The following PLCB1 variants were observed in gnomAD, a reference collection of about 807,000 sequenced individuals.
The protein encoded by PLCB1 is phospholipase C beta 1.
PLCB1 carries 46 observed loss-of-function variants against 161.8 expected under a neutral mutation model. That is an observed-to-expected ratio of 0.28 (90% CI 0.22 to 0.36). The LOEUF (loss-of-function observed/expected upper bound fraction) is 0.36. PLCB1 is among the 10% of genes least tolerant of loss of function. PLCB1 has a pLI of 1.00. For missense variants in PLCB1, 1,016 were observed against 1,472.5 expected, an observed-to-expected ratio of 0.69 and a Z score of 5.07; for synonymous variants, 517 against 503.7, an observed-to-expected ratio of 1.03 and a Z score of -0.35.
chr20:8,331,081 C>T (rs1985348274), intron 2 of PLCB1, among the ~76,000 whole-genome samples: 1 of 152,202 alleles, frequency 6.6e-6, no homozygotes, highest in African/African-American at 2.4e-5. Context: ...GTACACACTG[C>T]ACTGTGTAAA....
chr20:8,282,575 C>T (rs538846607), intron 2 of PLCB1, among the ~76,000 whole-genome samples: 7 of 151,758 alleles, frequency 4.6e-5, no homozygotes, highest in South Asian at 2.1e-4. Flanking sequence ...ATGTTATATC[C>T]GGCAAAGAAA....
chr20:8,512,260 T>C (rs1361413299), intron 3 of PLCB1, among the ~76,000 whole-genome samples: 2 of 152,178 alleles, frequency 1.3e-5, no homozygotes, highest in Admixed American at 6.5e-5. Context: ...TGGAAAAATC[T>C]GTGTAAACAA....
intron 31 of PLCB1, among the ~76,000 whole-genome samples, chr20:8,859,175 T>C (rs1276018494): frequency 1.3e-5 from 2 of 152,156 alleles, no homozygotes; most frequent in East Asian, 1.9e-4. Context: ...GGCCAGCACT[T>C]AGGAAGAGTT....
intron 3 of PLCB1, among the ~76,000 whole-genome samples, chr20:8,490,869 T>TATATATGTACACATATCTATATGTACAC (rs1982915422): frequency 2.7e-5 from 4 of 150,414 alleles, no homozygotes; most frequent in Non-Finnish European, 5.9e-5. Context: ...GGCATATATA[T>TATATATGTACACATATCTATATGTACAC]ATATATATGT....
intron 2 of PLCB1, among the ~76,000 whole-genome samples, chr20:8,228,339 T>C (rs1264384777): frequency 2.0e-5 from 3 of 152,104 alleles, no homozygotes; most frequent in Admixed American, 2.0e-4. Context: ...CCAACCTTTA[T>C]AGAGCACATC....
intron 2 of PLCB1, among the ~76,000 whole-genome samples, chr20:8,212,330 A>G (rs1978869462): frequency 6.6e-6 from 1 of 152,162 alleles, no homozygotes; most frequent in African/African-American, 2.4e-5. Context: ...TTTTTAGCTC[A>G]TCATAGTAAT....
chr20:8,552,521 G>A (rs1294443722), intron 3 of PLCB1, among the ~76,000 whole-genome samples: 1 of 152,130 alleles, frequency 6.6e-6, no homozygotes, highest in African/African-American at 2.4e-5. Flanking sequence ...AACAAATAGA[G>A]TGTTTCTTAT....
intron 2 of PLCB1, among the ~76,000 whole-genome samples, chr20:8,338,647 ATATAATT>A (rs1248546496): frequency 6.6e-6 from 1 of 152,200 alleles, no homozygotes; most frequent in Non-Finnish European, 1.5e-5. Flanking sequence ...CTTCTTTAAG[ATATAATT>A]TATATAGAGT....
At chr20:8,610,491 A>G (rs760309608) in intron 3 of PLCB1, among the ~76,000 whole-genome samples, 10 of 152,158 alleles carry the variant, frequency 6.6e-5, no homozygotes, top group Non-Finnish European at 1.3e-4. Flanking sequence ...TCTCGTAGGT[A>G]TATACCTAAG....
chr20:8,553,823 A>C (rs1273161237), intron 3 of PLCB1, among the ~76,000 whole-genome samples: 2 of 152,030 alleles, frequency 1.3e-5, no homozygotes, highest in African/African-American at 4.8e-5. Flanking sequence ...CAACGTGGTG[A>C]AACCCTGTCT....
chr20:8,739,118 T>TGATCAAATGTG lies in PLCB1; in HGVS notation c.2209-143_2209-142insGATCAAATGTG, dbSNP rs1980735211. 1.4e-5 allele frequency: 9 copies of TGATCAAATGTG among 646,078 alleles called. No individual in the cohort carries two copies. In the South Asian group the frequency reaches 1.7e-4, roughly 12 times the overall value. The allele number at this position is 646,078 out of a possible 1,614,324, so 40.0% of individuals were successfully genotyped here. On this transcript the variant is annotated intron_variant, in intron 20 of 31. Transcript: ENST00000338037. ...GTGAGCCAAGATCACGCCACTGCAC[T>TGATCAAATGTG]TCAGCCTGGGTGACACAGCAAGACT...
chr20:8,715,154 C>T (rs1979236237), intron 12 of PLCB1, among the ~76,000 whole-genome samples: 2 of 152,140 alleles, frequency 1.3e-5, no homozygotes, highest in East Asian at 1.9e-4. Flanking sequence ...GTTCGACAGA[C>T]TGTAGATCAA....
intron 2 of PLCB1, among the ~76,000 whole-genome samples, chr20:8,166,775 G>C (rs546771427): frequency 6.6e-6 from 1 of 151,748 alleles, no homozygotes; most frequent in African/African-American, 2.4e-5. Flanking sequence ...TTTGTGCTCC[G>C]TCCACAATAG....
intron 25 of PLCB1, among the ~76,000 whole-genome samples, chr20:8,763,994 G>T (rs761298204): frequency 6.6e-6 from 1 of 151,930 alleles, no homozygotes; most frequent in Non-Finnish European, 1.5e-5. Context: ...GCGAAACCCC[G>T]TCTCCATAAA....
intron 7 of PLCB1, among the ~76,000 whole-genome samples, chr20:8,655,723 A>G (rs1214647103): frequency 6.6e-6 from 1 of 152,084 alleles, no homozygotes; most frequent in Non-Finnish European, 1.5e-5. Flanking sequence ...CTTGGGGTTC[A>G]TAAAATCCAG....
At chr20:8,238,202 A>G (rs1205555987) in intron 2 of PLCB1, among the ~76,000 whole-genome samples, 1 of 152,020 alleles carries the variant, frequency 6.6e-6, no homozygotes, top group Non-Finnish European at 1.5e-5. Context: ...CCAAGGTATG[A>G]CTGTGATTTC....
At chr20:8,633,471 T>C (rs2069598849) in intron 4 of PLCB1, among the ~76,000 whole-genome samples, 4 of 152,184 alleles carry the variant, frequency 2.6e-5, no homozygotes, top group South Asian at 4.2e-4. Flanking sequence ...GGTATTTGAT[T>C]GTATTAAAAA....
intron 2 of PLCB1, among the ~76,000 whole-genome samples, chr20:8,337,210 G>C (rs1377828562): frequency 6.6e-6 from 1 of 152,136 alleles, no homozygotes; most frequent in African/African-American, 2.4e-5. Flanking sequence ...TAGACTTATG[G>C]AATAGGCATT....
chr20:8,175,885 A>T (rs889147989), intron 2 of PLCB1, among the ~76,000 whole-genome samples: 7 of 152,224 alleles, frequency 4.6e-5, no homozygotes, highest in African/African-American at 1.7e-4. Flanking sequence ...TAGACAATCC[A>T]CTAAAGAGGA....
Sources: allele counts gnomAD v4.1 joint callset (sites outside exome capture counted in the v4.1 genomes callset), GRCh38; gene constraint gnomAD v4.1.1; transcripts MANE v1.5; gene names NCBI Gene and HGNC (gene_info 2026-07-23, HGNC 2026-07-21).